The following SNTG2 variants were observed in gnomAD, a reference collection of about 807,000 sequenced individuals.
The protein encoded by SNTG2 is syntrophin gamma 2, also known as gamma-2-syntrophin.
A neutral mutation model predicts 70.9 loss-of-function variants in SNTG2; 74 were observed. The ratio of observed to expected loss-of-function variants is 1.04; its 90% CI spans 0.86 to 1.27. SNTG2 has a LOEUF of 1.27. SNTG2 is among the 50% of genes most tolerant of loss of function. SNTG2 has a pLI of 0.00. For missense variants in SNTG2, 717 were observed against 690.7 expected (o/e 1.04, Z -0.43); for synonymous variants, 278 against 273.8 (o/e 1.02, Z -0.15).
At chr2:1,031,367 A>G (rs537433459) in intron 1 of SNTG2, among the ~76,000 whole-genome samples, 27 of 151,680 alleles carry the variant, frequency 1.8e-4, no homozygotes, top group African/African-American at 6.3e-4. Context: ...AGAGTGTCAG[A>G]TGGGCACACT....
intron 1 of SNTG2, among the ~76,000 whole-genome samples, chr2:1,041,511 GA>G: frequency 6.6e-6 from 1 of 152,134 alleles, no homozygotes; most frequent in East Asian, 1.9e-4. Context: ...TCCAGTGTTG[GA>G]GGTGGAGCCT....
chr2:1,322,733 G>A (rs1217448236), intron 16 of SNTG2, among the ~76,000 whole-genome samples: 1 of 151,754 alleles, frequency 6.6e-6, no homozygotes, highest in African/African-American at 2.4e-5. Flanking sequence ...GGTCTTGGAG[G>A]CTCCCCTCTA....
chr2:1,106,536 G>A (rs1254958303), intron 4 of SNTG2, among the ~76,000 whole-genome samples: 2 of 123,492 alleles, frequency 1.6e-5, no homozygotes, highest in African/African-American at 3.1e-5. Context: ...CTTGGTAAGA[G>A]TGGACACGTG....
chr2:1,312,096 T>A (rs182360680), intron 15 of SNTG2, among the ~76,000 whole-genome samples: 22 of 152,224 alleles, frequency 1.4e-4, no homozygotes, highest in African/African-American at 5.3e-4. Context: ...ATTTTCAATG[T>A]TGAGAAAGGA....
intron 1 of SNTG2, among the ~76,000 whole-genome samples, chr2:1,066,503 G>A (rs1663164236): frequency 6.6e-6 from 1 of 151,896 alleles, no homozygotes; most frequent in Non-Finnish European, 1.5e-5. Flanking sequence ...GAAAGCTGTA[G>A]TGGTCAGACC....
chr2:1,075,465 A>G (rs890135924), intron 1 of SNTG2, among the ~76,000 whole-genome samples: 1 of 152,206 alleles, frequency 6.6e-6, no homozygotes, highest in East Asian at 1.9e-4. Context: ...GTCATTGTTC[A>G]TTGGAAGAAA....
intron 1 of SNTG2, among the ~76,000 whole-genome samples, chr2:972,178 G>A (rs1415220644): frequency 6.6e-6 from 1 of 152,084 alleles, no homozygotes; most frequent in Non-Finnish European, 1.5e-5. Flanking sequence ...ACTAAGTTCT[G>A]GTCCCAAATG....
chr2:1,030,933 A>AT (rs1360940215), intron 1 of SNTG2, among the ~76,000 whole-genome samples: 1 of 152,182 alleles, frequency 6.6e-6, no homozygotes, highest in Non-Finnish European at 1.5e-5. Flanking sequence ...CAGTTGTGAA[A>AT]TTCGAAGATA....
chr2:1,064,273 T>C (rs1482276676), intron 1 of SNTG2, among the ~76,000 whole-genome samples: 4 of 151,910 alleles, frequency 2.6e-5, no homozygotes, highest in Non-Finnish European at 5.9e-5. Flanking sequence ...CCTTGCACTG[T>C]AAAAAATGTT....
chr2:1,123,062 G>A (rs1667476046), intron 4 of SNTG2, among the ~76,000 whole-genome samples: 1 of 152,076 alleles, frequency 6.6e-6, no homozygotes, highest in Non-Finnish European at 1.5e-5. Flanking sequence ...AAACATTGAA[G>A]AAGATACCAA....
rs139040761 is a variant in SNTG2 at position 1,237,847 on chromosome 2, C to T, written c.720-41C>T. The T allele has an allele frequency of 1.1e-4, 175 of 1,565,510 alleles. No homozygotes were observed. The African/African-American group carries it at 1.6e-3, about 14-fold the overall frequency. ...AAACTCACGGAGGCAGGCCCGCTCC[C>T]GTCGCTGCGGGGCCTCCTGGACAGC... On this transcript the variant is annotated intron_variant, in intron 9 of 16. Coordinates refer to ENST00000308624, the MANE Select transcript of SNTG2 (RefSeq NM_018968.4).
intron 6 of SNTG2, among the ~76,000 whole-genome samples, chr2:1,164,827 A>T (rs1670599132): frequency 6.6e-6 from 1 of 151,350 alleles, no homozygotes; most frequent in African/African-American, 2.4e-5. Context: ...GGTGGGCTAT[A>T]CCTGGCCTCG....
chr2:1,288,267 A>G (rs959817940), intron 14 of SNTG2, among the ~76,000 whole-genome samples: 2 of 152,192 alleles, frequency 1.3e-5, no homozygotes, highest in African/African-American at 4.8e-5. Flanking sequence ...ATCTGACATC[A>G]TATCTAGACC....
At chr2:987,036 T>G (rs1443604023) in intron 1 of SNTG2, among the ~76,000 whole-genome samples, 1 of 152,256 alleles carries the variant, frequency 6.6e-6, no homozygotes, top group Non-Finnish European at 1.5e-5. Context: ...CCTTAGCATG[T>G]GCTGGGTGCT....
chr2:1,118,039 C>T (rs996054369), intron 4 of SNTG2, among the ~76,000 whole-genome samples: 8 of 152,082 alleles, frequency 5.3e-5, no homozygotes. Context: ...AACCTGGCCC[C>T]CCAGGTCTGA....
chr2:1,098,543 G>A lies in SNTG2; in HGVS notation c.325+133G>A, dbSNP rs1178806848. 3 of 978,772 alleles carry A rather than the reference G, an allele frequency of 3.1e-6. No homozygotes were observed. The East Asian group carries it at 7.7e-5, about 25-fold the overall frequency. 60.6% of individuals were successfully genotyped at this position (978,772 alleles called of 1,614,324 possible). A position where few individuals can be genotyped will look rare whatever the true frequency, so the allele number is the denominator to read the frequency against. On this transcript the variant is annotated intron_variant, in intron 4 of 16. Coordinates refer to ENST00000308624, the MANE Select transcript of SNTG2 (RefSeq NM_018968.4). Reference sequence around the variant, plus strand: ...ACTTCCGTTTTATTTTTGTAGCTGTGTCTTGTTTCAAAGGATGCTTCTTAT... The same window carrying A: ...ACTTCCGTTTTATTTTTGTAGCTGTATCTTGTTTCAAAGGATGCTTCTTAT...
intron 1 of SNTG2, among the ~76,000 whole-genome samples, chr2:1,010,657 G>T (rs1005568058): frequency 6.6e-6 from 1 of 152,300 alleles, no homozygotes; most frequent in African/African-American, 2.4e-5. Flanking sequence ...TTCAGATGGT[G>T]CTTGGTTGTG....
intron 14 of SNTG2, among the ~76,000 whole-genome samples, chr2:1,301,463 C>T (rs917367350): frequency 1.3e-5 from 2 of 152,138 alleles, no homozygotes; most frequent in Non-Finnish European, 2.9e-5. Context: ...TGGCTAGAGA[C>T]GTAAACCTAC....
chr2:1,358,694 G>A (rs1486421667), intron 16 of SNTG2, among the ~76,000 whole-genome samples: 1 of 151,980 alleles, frequency 6.6e-6, no homozygotes, highest in African/African-American at 2.4e-5. Flanking sequence ...CTAGCTTCAT[G>A]CTTTTGTAGT....
Sources: gnomAD v4.1 joint callset for allele counts (sites outside exome capture counted in the v4.1 genomes callset) on GRCh38, gnomAD v4.1.1 for gene constraint, MANE v1.5 for transcripts, NCBI Gene and HGNC (gene_info 2026-07-23, HGNC 2026-07-21) for gene names.